The following PTPRD variants were observed in gnomAD, a reference collection of about 807,000 sequenced individuals.
The protein encoded by PTPRD is receptor-type tyrosine-protein phosphatase delta.
In PTPRD, 34 loss-of-function variants were observed where a neutral mutation model predicts 214.5. The ratio of observed to expected loss-of-function variants is 0.16; its 90% CI spans 0.12 to 0.21. The LOEUF is 0.21. Ranked by LOEUF, PTPRD falls within the 10% of genes least tolerant of loss-of-function variation. The pLI is 1.00. For synonymous variants in PTPRD, 1,128 were observed against 845.7 expected (o/e 1.33, Z -5.79); for missense variants, 2,545 against 2,398.7 (o/e 1.06, Z -1.27).
chr9:8,970,917 A>ACAAC (rs35506188), intron 11 of PTPRD, among the ~76,000 whole-genome samples: 78,713 of 149,400 alleles, frequency 0.53, 22,023 homozygotes, highest in African/African-American at 0.7. Flanking sequence ...AAACAAAACA[A>ACAAC]AACAACAACA....
intron 3 of PTPRD, among the ~76,000 whole-genome samples, chr9:10,163,874 G>C (rs1304306399): frequency 6.6e-6 from 1 of 151,432 alleles, no homozygotes; most frequent in Non-Finnish European, 1.5e-5. Context: ...GGGTCATTTA[G>C]AGTATTACCA....
intron 11 of PTPRD, among the ~76,000 whole-genome samples, chr9:8,840,522 A>T (rs564619069): frequency 1.1e-3 from 166 of 152,294 alleles, no homozygotes; most frequent in African/African-American, 3.8e-3. Context: ...GCAGTGTGAA[A>T]GCGGACTAAT....
At chr9:9,032,715 G>A (rs1442475071) in intron 10 of PTPRD, among the ~76,000 whole-genome samples, 6 of 152,020 alleles carry the variant, frequency 3.9e-5, no homozygotes, top group South Asian at 2.1e-4. Context: ...TTTGCATCCC[G>A]GCTCTGGCCC....
chr9:8,767,304 G>A (rs929352315), intron 11 of PTPRD, among the ~76,000 whole-genome samples: 1 of 151,946 alleles, frequency 6.6e-6, no homozygotes, highest in African/African-American at 2.4e-5. Flanking sequence ...TTTTAGTAGA[G>A]ATGGGGTTCA....
At chr9:8,905,117 T>TC (rs1484684412) in intron 11 of PTPRD, among the ~76,000 whole-genome samples, 2 of 152,168 alleles carry the variant, frequency 1.3e-5, no homozygotes, top group Admixed American at 1.3e-4. Flanking sequence ...TCACCAGTCA[T>TC]CTCTGATTGG....
intron 3 of PTPRD, among the ~76,000 whole-genome samples, chr9:10,201,255 A>AT (rs1237136183): frequency 1.3e-5 from 2 of 152,066 alleles, no homozygotes; most frequent in African/African-American, 4.8e-5. Flanking sequence ...TGAAACATTG[A>AT]TTTAGAAAAT....
chr9:8,869,289 A>T (rs1380380085), intron 11 of PTPRD, among the ~76,000 whole-genome samples: 1 of 152,196 alleles, frequency 6.6e-6, no homozygotes, highest in Non-Finnish European at 1.5e-5. Context: ...AAGAATAGAA[A>T]ACTATCAATT....
intron 3 of PTPRD, among the ~76,000 whole-genome samples, chr9:10,076,870 A>G (rs1357456617): frequency 6.6e-6 from 1 of 152,180 alleles, no homozygotes; most frequent in African/African-American, 2.4e-5. Context: ...ATGAAGGTCA[A>G]TTTGAAACCA....
At chr9:8,778,479 T>G (rs1183646095) in intron 11 of PTPRD, among the ~76,000 whole-genome samples, 1 of 152,198 alleles carries the variant, frequency 6.6e-6, no homozygotes, top group Non-Finnish European at 1.5e-5. Context: ...GACAGATTAC[T>G]AGCTGCGAAT....
At chr9:8,924,237 A>C (rs112980374) in intron 11 of PTPRD, among the ~76,000 whole-genome samples, 8 of 20,850 alleles carry the variant, frequency 3.8e-4, no homozygotes, top group African/African-American at 6.3e-4. Flanking sequence ...GTATCAACCC[A>C]AAATTTTTAA....
At chr9:8,998,328 T>C (rs986449869) in intron 11 of PTPRD, among the ~76,000 whole-genome samples, 1 of 152,008 alleles carries the variant, frequency 6.6e-6, no homozygotes. Context: ...TGGAAGACAA[T>C]ACTCATTTAC....
In PTPRD at chr9:10,036,245, T is replaced by A. The variant is rs562477381; in HGVS notation, c.-544-2455A>T. Among the ~76,000 whole-genome samples, 5 of 152,266 alleles carry A rather than the reference T, an allele frequency of 3.3e-5. No individual in the cohort carries two copies. The South Asian group carries it at 6.2e-4, about 19-fold the overall frequency. On this transcript the variant is annotated intron_variant, in intron 3 of 45. Transcript: ENST00000381196. ...CTCTGCTTTCTCAGGCCTATTTTAA[T>A]CCCTTTCTCCTTGACATCTAAGACA...
chr9:8,482,545 A>C (rs868696812), intron 30 of PTPRD, among the ~76,000 whole-genome samples: 1 of 152,132 alleles, frequency 6.6e-6, no homozygotes, highest in Admixed American at 6.5e-5. Flanking sequence ...GGTGTGAGAT[A>C]GAAGAAATGA....
rs767188575 is a variant in PTPRD, at chr9:9,773,422, A to T, written c.-367-6571T>A. Among the ~76,000 whole-genome samples the T allele has an allele frequency of 3.3e-4, 50 of 152,148 alleles. 1 individual carries two copies. Among genetic ancestry groups the T allele is most frequent in the Non-Finnish European group, 6.2e-4 (42 of 68,022 alleles). ...AGTCTCCTGCTTCTCTCTAATATAT[A>T]CATGATGATTGACAGTGATGACATC... On this transcript the variant is annotated intron_variant, in intron 5 of 45. Transcript: ENST00000381196.
chr9:9,796,797 G>T (rs1482653808), intron 5 of PTPRD, among the ~76,000 whole-genome samples: 1 of 152,124 alleles, frequency 6.6e-6, no homozygotes, highest in African/African-American at 2.4e-5. Context: ...CTAGTGTTTT[G>T]GGGTTCCTTT....
At chr9:10,353,163 A>G (rs1000003375) in intron 2 of PTPRD, among the ~76,000 whole-genome samples, 1 of 152,008 alleles carries the variant, frequency 6.6e-6, no homozygotes, top group African/African-American at 2.4e-5. Flanking sequence ...ATACTCGGCT[A>G]AATCACAACT....
chr9:10,412,633 AACACACACACACAC>A (rs150312961), intron 2 of PTPRD, among the ~76,000 whole-genome samples: 9 of 147,754 alleles, frequency 6.1e-5, no homozygotes, highest in African/African-American at 2.0e-4. Context: ...CACACACACA[AACACACACACACAC>A]ACACACACAC....
chr9:9,745,904 T>C (rs552005154), intron 6 of PTPRD, among the ~76,000 whole-genome samples: 1 of 152,272 alleles, frequency 6.6e-6, no homozygotes, highest in East Asian at 1.9e-4. Context: ...CACAGTATAA[T>C]AGGCTTTAAT....
intron 5 of PTPRD, among the ~76,000 whole-genome samples, chr9:9,886,005 G>A (rs1296452286): frequency 6.6e-6 from 1 of 151,450 alleles, no homozygotes; most frequent in Non-Finnish European, 1.5e-5. Flanking sequence ...AAGATTCAAA[G>A]TTAAAATGAA....
Sources: allele counts gnomAD v4.1 joint callset (sites outside exome capture counted in the v4.1 genomes callset), GRCh38; gene constraint gnomAD v4.1.1; transcripts MANE v1.5; gene names NCBI Gene and HGNC (gene_info 2026-07-23, HGNC 2026-07-21).